DCC: variants seen among roughly 807,000 people sequenced by gnomAD.
DCC encodes DCC netrin 1 receptor, also known as netrin receptor DCC.
A neutral mutation model predicts 172.5 loss-of-function variants in DCC; 58 were observed. The observed-to-expected ratio is 0.34, with a 90% CI of 0.27 to 0.42. The LOEUF (loss-of-function observed/expected upper bound fraction) is 0.42. Ranked by LOEUF, DCC falls within the 10% of genes least tolerant of loss-of-function variation. The pLI is 1.00. For synonymous variants in DCC, 709 were observed against 644.5 expected (o/e 1.10, Z -1.52); for missense variants, 1,740 against 1,791.0 (o/e 0.97, Z 0.51).
At chr18:53,474,961 G>C (rs927865974) in intron 25 of DCC, among the ~76,000 whole-genome samples, 1 of 152,230 alleles carries the variant, frequency 6.6e-6, no homozygotes, top group Non-Finnish European at 1.5e-5. Flanking sequence ...ACAGTCTGAG[G>C]TGGTCTCAGA....
At chr18:53,495,707 G>A (rs918365975) in intron 26 of DCC, among the ~76,000 whole-genome samples, 1 of 152,194 alleles carries the variant, frequency 6.6e-6, no homozygotes, top group African/African-American at 2.4e-5. Context: ...ATCCTGAAGA[G>A]TGTCTTCCAA....
chr18:53,011,648 A>G (rs190087638), intron 5 of DCC, among the ~76,000 whole-genome samples: 3 of 151,960 alleles, frequency 2.0e-5, no homozygotes, highest in African/African-American at 7.2e-5. Context: ...TTGTATTTGC[A>G]TATGTTTAGA....
At chr18:53,276,057 G>A (rs1170738327) in intron 12 of DCC, among the ~76,000 whole-genome samples, 2 of 151,988 alleles carry the variant, frequency 1.3e-5, no homozygotes, top group Non-Finnish European at 2.9e-5. Context: ...GGCAAGCCTG[G>A]CATTTATTGG....
intron 7 of DCC, among the ~76,000 whole-genome samples, chr18:53,105,293 A>G (rs113088136): frequency 1.3e-5 from 2 of 151,994 alleles, no homozygotes; most frequent in Non-Finnish European, 2.9e-5. Context: ...TAATATTCTG[A>G]AAGTGGCAGA....
At chr18:53,054,563 A>G (rs1380141356) in intron 5 of DCC, among the ~76,000 whole-genome samples, 1 of 151,876 alleles carries the variant, frequency 6.6e-6, no homozygotes, top group Non-Finnish European at 1.5e-5. Flanking sequence ...ACCTCACAAA[A>G]TTGTGCTCTC....
At chr18:53,029,994 C>T (rs928964054) in intron 5 of DCC, among the ~76,000 whole-genome samples, 2 of 152,150 alleles carry the variant, frequency 1.3e-5, no homozygotes, top group African/African-American at 2.4e-5. Context: ...CAGATTCTAC[C>T]GTCTTCTCAG....
At chr18:52,663,525 T>G (rs12458018) in intron 1 of DCC, among the ~76,000 whole-genome samples, 26,429 of 152,094 alleles carry the variant, frequency 0.17, 2,449 homozygotes, top group Admixed American at 0.26. Context: ...GGGGTAATAA[T>G]TATTGATAAA....
chr18:53,240,733 A>G (rs550606049), intron 12 of DCC, among the ~76,000 whole-genome samples: 1 of 152,232 alleles, frequency 6.6e-6, no homozygotes, highest in Admixed American at 6.5e-5. Flanking sequence ...CACCTAGAAG[A>G]GGTTGTCATT....
chr18:53,353,199 C>A (rs2057832665), intron 15 of DCC, among the ~76,000 whole-genome samples: 1 of 151,156 alleles, frequency 6.6e-6, no homozygotes, highest in African/African-American at 2.4e-5. Flanking sequence ...CACTTGAACC[C>A]AGAGGCAGAG....
At chr18:53,171,394 C>G (rs544642077) in intron 8 of DCC, among the ~76,000 whole-genome samples, 4 of 152,206 alleles carry the variant, frequency 2.6e-5, no homozygotes, top group African/African-American at 7.2e-5. Context: ...ATAGCAAGCA[C>G]AATGCATTTG....
At chr18:53,166,319 C>T (rs550915496) in intron 8 of DCC, among the ~76,000 whole-genome samples, 1 of 152,178 alleles carries the variant, frequency 6.6e-6, no homozygotes, top group Admixed American at 6.5e-5. Flanking sequence ...ACCTTTACGA[C>T]CTTCAAATGG....
chr18:53,085,396 A>G (rs2042863376), intron 7 of DCC, among the ~76,000 whole-genome samples: 1 of 152,264 alleles, frequency 6.6e-6, no homozygotes, highest in Middle Eastern at 3.4e-3. Context: ...TCCTTAGCAC[A>G]GAGAAATGTC....
At chr18:53,160,100 G>T (rs1363834151) in intron 8 of DCC, among the ~76,000 whole-genome samples, 2 of 152,144 alleles carry the variant, frequency 1.3e-5, no homozygotes, top group African/African-American at 2.4e-5. Context: ...TTTCATAATT[G>T]TTCACAGGCC....
intron 27 of DCC, among the ~76,000 whole-genome samples, chr18:53,509,674 A>T (rs1444242391): frequency 6.6e-6 from 1 of 152,180 alleles, no homozygotes; most frequent in African/African-American, 2.4e-5. Context: ...TTTTTCTAGC[A>T]AGTGAGTTCA....
chr18:52,892,937 T>A (rs1318048700), intron 2 of DCC, among the ~76,000 whole-genome samples: 2 of 152,166 alleles, frequency 1.3e-5, no homozygotes, highest in Non-Finnish European at 1.5e-5. Context: ...TAAATTATTA[T>A]TTCTGTTGGG....
At chr18:52,458,336 A>G (rs1256385675) in intron 1 of DCC, among the ~76,000 whole-genome samples, 3 of 152,082 alleles carry the variant, frequency 2.0e-5, no homozygotes, top group Non-Finnish European at 4.4e-5. Context: ...TGTCTTTCAC[A>G]TACATTATTT....
chr18:52,936,891 A>G (rs1394285260), intron 5 of DCC, among the ~76,000 whole-genome samples: 1 of 152,190 alleles, frequency 6.6e-6, no homozygotes, highest in African/African-American at 2.4e-5. Flanking sequence ...GGAGCAATAT[A>G]TGCCATTTCT....
At chr18:53,409,760 T>A (rs939310355) in intron 19 of DCC, among the ~76,000 whole-genome samples, 4 of 152,228 alleles carry the variant, frequency 2.6e-5, no homozygotes, top group African/African-American at 2.4e-5. Flanking sequence ...TATTAATATC[T>A]GAGATAATAA....
intron 2 of DCC, among the ~76,000 whole-genome samples, chr18:52,805,765 C>G (rs17385049): frequency 0.034 from 5,213 of 152,264 alleles, 131 homozygotes; most frequent in Admixed American, 0.05. Flanking sequence ...GAAGGGAATT[C>G]AAGAATGTAA....
Sources: gnomAD v4.1 joint callset for allele counts (sites outside exome capture counted in the v4.1 genomes callset) on GRCh38, gnomAD v4.1.1 for gene constraint, MANE v1.5 for transcripts, NCBI Gene and HGNC (gene_info 2026-07-23, HGNC 2026-07-21) for gene names.